The following ABI3BP variants were observed in gnomAD, a reference collection of about 807,000 sequenced individuals.
ABI3BP encodes ABI family member 3 binding protein.
ABI3BP carries 216 observed loss-of-function variants against 268.6 expected under a neutral mutation model. The ratio of observed to expected loss-of-function variants is 0.80; its 90% CI spans 0.72 to 0.90. The LOEUF (loss-of-function observed/expected upper bound fraction) is 0.90. Among genes scored for constraint, ABI3BP ranks in the 40% least tolerant of loss-of-function variants. The pLI is 0.00. For synonymous variants in ABI3BP, 730 were observed against 730.0 expected, an observed-to-expected ratio of 1.00 and a Z score of 0.00; for missense variants, 2,090 against 2,182.4, an observed-to-expected ratio of 0.96 and a Z score of 0.84.
At chr3:100,946,665 G>A (rs2072511965) in intron 1 of ABI3BP, among the ~76,000 whole-genome samples, 1 of 151,912 alleles carries the variant, frequency 6.6e-6, no homozygotes, top group Non-Finnish European at 1.5e-5. Context: ...GTGCATGCCT[G>A]TAATCTCAGC....
intron 67 of ABI3BP, among the ~76,000 whole-genome samples, chr3:100,750,822 C>T (rs762829604): frequency 2.0e-5 from 3 of 152,058 alleles, no homozygotes; most frequent in African/African-American, 4.8e-5. Context: ...TGACATTTGC[C>T]GTGTCAAGTT....
At chr3:100,863,895 T>G (rs781201555) in intron 12 of ABI3BP, 107 bp downstream of exon 12, 2 of 852,830 alleles carry the variant, frequency 2.3e-6, no homozygotes, top group Non-Finnish European at 3.7e-6. Context: ...CTGTGTCACC[T>G]TTAAGGGATT....
chr3:100,815,741 G>C (rs1214626395), intron 44 of ABI3BP, among the ~76,000 whole-genome samples, 171 bp downstream of exon 44: 1 of 152,098 alleles, frequency 6.6e-6, no homozygotes, highest in Non-Finnish European at 1.5e-5. Flanking sequence ...AGGGACATCT[G>C]CGAAAAACAA....
At chr3:100,812,041 G>A (rs1213169295) in intron 46 of ABI3BP, among the ~76,000 whole-genome samples, 3 of 152,016 alleles carry the variant, frequency 2.0e-5, no homozygotes, top group Non-Finnish European at 4.4e-5. Flanking sequence ...GTGTGGCAGA[G>A]TCAACAGCAC....
intron 44 of ABI3BP, among the ~76,000 whole-genome samples, chr3:100,814,346 C>T (rs1407303194): frequency 1.3e-5 from 2 of 152,014 alleles, no homozygotes; most frequent in African/African-American, 4.8e-5. Context: ...TGTTGAATAT[C>T]ATCTAGGAGT....
At chr3:100,939,798 T>G (rs1265016471) in intron 1 of ABI3BP, among the ~76,000 whole-genome samples, 1 of 152,036 alleles carries the variant, frequency 6.6e-6, no homozygotes, top group Non-Finnish European at 1.5e-5. Flanking sequence ...GCGAATTTCC[T>G]CTTCCTAATA....
At chr3:100,825,677 T>C (rs879842493) in intron 35 of ABI3BP, 108 bp downstream of exon 35, 3 of 854,578 alleles carry the variant, frequency 3.5e-6, no homozygotes, top group South Asian at 1.5e-5. Context: ...TGATGTTTGC[T>C]ATTTTGTAGA....
rs1167838275 is a variant in ABI3BP, at chr3:100,753,855, A to G, written c.4931-7T>C. On this transcript the variant is annotated splice_polypyrimidine_tract_variant and splice_region_variant and intron_variant, in intron 64 of 67. Transcript: ENST00000471714. Reference sequence around the variant, plus strand: ...TCACTCACTCTTGGGTCCGCTGAGGAGAAATAAATAGAAAAGTCAGACCTT... The same window carrying G: ...TCACTCACTCTTGGGTCCGCTGAGGGGAAATAAATAGAAAAGTCAGACCTT... 6.2e-7 allele frequency: 1 copy of G among 1,606,528 alleles called. No individual in the cohort carries two copies. The highest frequency in any genetic ancestry group is 8.5e-7 in the Non-Finnish European group (1 of 1,176,530).
At chr3:100,952,978 A>C (rs1432533391) in intron 1 of ABI3BP, among the ~76,000 whole-genome samples, 2 of 151,628 alleles carry the variant, frequency 1.3e-5, no homozygotes, top group African/African-American at 2.4e-5. Flanking sequence ...CCACTCTTTG[A>C]CTCTCTCTTT....
chr3:100,919,726 T>G (rs2059678959), intron 2 of ABI3BP, among the ~76,000 whole-genome samples: 1 of 152,238 alleles, frequency 6.6e-6, no homozygotes, highest in African/African-American at 2.4e-5. Context: ...TTTTATCTGT[T>G]TAGTAGGACA....
Position 100,751,548 on chromosome 3 carries a change from A to C in ABI3BP, c.5245+4T>G. 1.3e-6 allele frequency: 2 copies of C among 1,584,016 alleles called. No individual in the cohort carries two copies. The highest frequency in any genetic ancestry group is 1.7e-6 in the Non-Finnish European group (2 of 1,163,900). ...GTTCTTATGAGGAGGATCAGAAAAC[A>C]TACCTTCTTTGATTGGTAACTGGTC... On this transcript the variant is annotated splice_donor_region_variant and intron_variant, in intron 67 of 67. Transcript: ENST00000471714.
intron 40 of ABI3BP, among the ~76,000 whole-genome samples, chr3:100,819,401 T>C (rs2098139790): frequency 6.6e-6 from 1 of 152,112 alleles, no homozygotes; most frequent in Non-Finnish European, 1.5e-5. Flanking sequence ...ATAGCACCCC[T>C]CAAAACAAGT....
chr3:100,938,618 A>G (rs1190779031), intron 1 of ABI3BP, among the ~76,000 whole-genome samples: 1 of 152,168 alleles, frequency 6.6e-6, no homozygotes, highest in Non-Finnish European at 1.5e-5. Flanking sequence ...CTTATCAAAG[A>G]CAAGCTGAAA....
chr3:100,859,897 T>C (rs533766197), intron 14 of ABI3BP, among the ~76,000 whole-genome samples: 3 of 152,230 alleles, frequency 2.0e-5, no homozygotes, highest in South Asian at 4.1e-4. Context: ...GTAGCGCTTC[T>C]CAAACTTTAA....
chr3:100,966,144 A>G (rs1312987966), intron 1 of ABI3BP, among the ~76,000 whole-genome samples: 1 of 152,230 alleles, frequency 6.6e-6, no homozygotes, highest in Non-Finnish European at 1.5e-5. Context: ...TTGGATTCAT[A>G]ACACTAATTG....
At chr3:100,752,528 G>A (rs2095393754) in intron 66 of ABI3BP, 1 of 345,532 alleles carries the variant, frequency 2.9e-6, no homozygotes, top group Admixed American at 4.2e-5. Context: ...GTTTGACCAT[G>A]GTTAGTGAAT....
chr3:100,851,534 C>T (rs2098839032), intron 15 of ABI3BP, among the ~76,000 whole-genome samples: 1 of 152,138 alleles, frequency 6.6e-6, no homozygotes, highest in African/African-American at 2.4e-5. Flanking sequence ...TTGAAAATTA[C>T]CCCCCATTTG....
At chr3:100,981,750 A>G (rs138810697) in intron 1 of ABI3BP, among the ~76,000 whole-genome samples, 45 of 152,284 alleles carry the variant, frequency 3.0e-4, no homozygotes, top group African/African-American at 1.0e-3. Flanking sequence ...AATTATGTTG[A>G]AAACACTCCC....
At chr3:100,751,736 G>A in intron 66 of ABI3BP, 62 bp from the exon 67 acceptor site, 1 of 1,463,272 alleles carries the variant, frequency 6.8e-7, no homozygotes, top group Non-Finnish European at 9.2e-7. Context: ...TGACAATTTT[G>A]AAATCATCAT....
Sources: allele counts gnomAD v4.1 joint callset (sites outside exome capture counted in the v4.1 genomes callset), GRCh38; gene constraint gnomAD v4.1.1; transcripts MANE v1.5; gene names NCBI Gene and HGNC (gene_info 2026-07-23, HGNC 2026-07-21).